The following ANXA3 variants were observed in gnomAD, a reference collection of about 807,000 sequenced individuals.
ANXA3 encodes the protein 35-alpha calcimedin.
Under a neutral mutation model 48.8 loss-of-function variants are expected in ANXA3, and 46 were observed. The observed-to-expected ratio is 0.94, with a 90% CI of 0.74 to 1.21. The LOEUF (loss-of-function observed/expected upper bound fraction) is 1.21. Ranked by LOEUF, ANXA3 falls within the 50% of genes most tolerant of loss-of-function variation. The pLI, the probability that ANXA3 is intolerant of heterozygous loss-of-function variation, is 0.00. For missense variants in ANXA3, 383 were observed against 378.6 expected, an observed-to-expected ratio of 1.01 and a Z score of -0.10; for synonymous variants, 128 against 134.7, an observed-to-expected ratio of 0.95 and a Z score of 0.35.
intron 3 of ANXA3, among the ~76,000 whole-genome samples, chr4:78,578,331 A>AGAG (rs1560444874): frequency 0.011 from 458 of 41,016 alleles, no homozygotes; most frequent in Middle Eastern, 0.03. Flanking sequence ...GAGAGAGAGA[A>AGAG]AGGGAGGGAG....
intron 9 of ANXA3, among the ~76,000 whole-genome samples, chr4:78,596,166 G>A (rs1398499853): frequency 6.6e-6 from 1 of 152,172 alleles, no homozygotes; most frequent in Non-Finnish European, 1.5e-5. Flanking sequence ...CCACCCTCTA[G>A]GGTGAGAGTA....
chr4:78,610,032 C>T (rs5944), intron 12 of ANXA3, 24 bp from the exon 13 acceptor site: 925,874 of 1,562,590 alleles, frequency 0.59, 280,746 homozygotes, highest in Middle Eastern at 0.65. Context: ...TGTATTTGTT[C>T]TTCATTGATT....
intron 7 of ANXA3, among the ~76,000 whole-genome samples, chr4:78,593,936 AG>A (rs1284875859): frequency 6.6e-6 from 1 of 150,650 alleles, no homozygotes; most frequent in East Asian, 2.0e-4. Context: ...AGTTTACATT[AG>A]GGTTCACTCT....
At chr4:78,574,568 G>A (rs932050948) in intron 3 of ANXA3, among the ~76,000 whole-genome samples, 1 of 152,076 alleles carries the variant, frequency 6.6e-6, no homozygotes, top group African/African-American at 2.4e-5. Flanking sequence ...ACATATACAT[G>A]TACATATTGT....
In ANXA3 at chr4:78,595,408, G is replaced by T; in HGVS notation, c.511G>T (p.Asp171Tyr). Reference sequence around the variant, plus strand: ...CAGAAGAGATGAAAGTCTGAAAGTGGATGAGCATCTGGCCAAACAAGATGC... The same window carrying T: ...CAGAAGAGATGAAAGTCTGAAAGTGTATGAGCATCTGGCCAAACAAGATGC... ...DGRRDESLKV[D>Y]EHLAKQDAQI... The change falls in exon 8 of 13, where the codon GAT (aspartate) becomes TAT (tyrosine). Residue 171 changes from aspartate (D) to tyrosine (Y), a missense_variant. By Grantham distance (160) the Asp-to-Tyr change is radical (BLOSUM62 -3). Coordinates refer to ENST00000264908, the MANE Select transcript of ANXA3 (RefSeq NM_005139.3). 14 of 1,613,330 alleles carry T rather than the reference G, an allele frequency of 8.7e-6. No individual in the cohort carries two copies. Among genetic ancestry groups the T allele is most frequent in the Non-Finnish European group, 1.2e-5 (14 of 1,179,802 alleles).
At chr4:78,606,398 C>T (rs937650252) in intron 12 of ANXA3, among the ~76,000 whole-genome samples, 2 of 152,138 alleles carry the variant, frequency 1.3e-5, no homozygotes, top group African/African-American at 4.8e-5. Context: ...GATCATTATG[C>T]ACCATGCACA....
At chr4:78,591,676 A>G (rs1352435702) in intron 7 of ANXA3, 53 bp downstream of exon 7, 1 of 1,314,776 alleles carries the variant, frequency 7.6e-7, no homozygotes. Context: ...ATGCTCAATA[A>G]CAATTTTTAG....
At chr4:78,593,114 CA>C (rs1382507713) in intron 7 of ANXA3, among the ~76,000 whole-genome samples, 17 of 1,448 alleles carry the variant, frequency 0.012, no homozygotes, top group African/African-American at 0.022. Context: ...ACACACATAC[CA>C]CACACACACA....
At chr4:78,555,674 TAA>T (rs113457974) in intron 2 of ANXA3, among the ~76,000 whole-genome samples, 22 of 142,378 alleles carry the variant, frequency 1.5e-4, no homozygotes, top group African/African-American at 5.2e-4. Context: ...CCCAGTCTCT[TAA>T]AAAAAAAAAA....
chr4:78,561,125 C>T (rs550559130), intron 2 of ANXA3, among the ~76,000 whole-genome samples: 4 of 151,882 alleles, frequency 2.6e-5, no homozygotes, highest in South Asian at 4.2e-4. Context: ...TAGAAGATAC[C>T]GAAAAAGGGA....
At chr4:78,578,122 A>T (rs1160468600) in intron 3 of ANXA3, among the ~76,000 whole-genome samples, 4 of 146,578 alleles carry the variant, frequency 2.7e-5, no homozygotes, top group East Asian at 2.0e-4. Context: ...CTACTAAATT[A>T]AAAAAAAAAT....
chr4:78,554,311 T>C (rs1722464866), intron 1 of ANXA3, 125 bp from the exon 2 acceptor site: 1 of 692,132 alleles, frequency 1.4e-6, no homozygotes, highest in Non-Finnish European at 2.5e-6. Context: ...TATATGCTCT[T>C]CCTGAGAAGG....
intron 4 of ANXA3, among the ~76,000 whole-genome samples, chr4:78,580,109 AAAC>A (rs1446683936): frequency 6.6e-6 from 1 of 152,234 alleles, no homozygotes. Context: ...AGAATATAAT[AAAC>A]AAGTAAATAA....
chr4:78,558,684 G>A (rs1458234099), intron 2 of ANXA3, among the ~76,000 whole-genome samples: 1 of 152,148 alleles, frequency 6.6e-6, no homozygotes, highest in Non-Finnish European at 1.5e-5. Flanking sequence ...AACAATCTAT[G>A]TTGCATTAGT....
At chr4:78,568,416 A>C (rs555666935) in intron 2 of ANXA3, among the ~76,000 whole-genome samples, 1 of 152,242 alleles carries the variant, frequency 6.6e-6, no homozygotes, top group East Asian at 1.9e-4. Context: ...GCTCTTTGAG[A>C]GCTCCTTGTC....
At chr4:78,563,829 C>G (rs989677379) in intron 2 of ANXA3, among the ~76,000 whole-genome samples, 1 of 152,130 alleles carries the variant, frequency 6.6e-6, no homozygotes, top group African/African-American at 2.4e-5. Flanking sequence ...TATAAATTCT[C>G]TATATATTCC....
At chr4:78,594,076 C>A (rs1723364239) in intron 7 of ANXA3, among the ~76,000 whole-genome samples, 1 of 152,062 alleles carries the variant, frequency 6.6e-6, no homozygotes, top group Non-Finnish European at 1.5e-5. Context: ...TCCTCCCCAC[C>A]AACTACTGAT....
chr4:78,605,142 T>A (rs961748184), intron 12 of ANXA3, among the ~76,000 whole-genome samples: 2 of 152,190 alleles, frequency 1.3e-5, no homozygotes, highest in East Asian at 3.9e-4. Context: ...AAAACATTTT[T>A]TAGAGATGGG....
intron 5 of ANXA3, among the ~76,000 whole-genome samples, chr4:78,583,976 G>A (rs774887835): frequency 5.3e-5 from 8 of 152,138 alleles, no homozygotes; most frequent in Non-Finnish European, 1.0e-4. Context: ...AAAACTGACC[G>A]TCATACCCCC....
Sources: gnomAD v4.1 joint callset for allele counts (sites outside exome capture counted in the v4.1 genomes callset) on GRCh38, gnomAD v4.1.1 for gene constraint, MANE v1.5 for transcripts, NCBI Gene and HGNC (gene_info 2026-07-23, HGNC 2026-07-21) for gene names.